Variants in KIF2A observed in about 807,000 individuals in gnomAD.
The protein encoded by KIF2A is kinesin family member 2A, also known as kinesin-like protein KIF2A.
A neutral mutation model predicts 100.2 loss-of-function variants in KIF2A; 22 were observed. The observed-to-expected ratio is 0.22, with a 90% CI of 0.16 to 0.31. The LOEUF (loss-of-function observed/expected upper bound fraction) is 0.31. Among genes scored for constraint, KIF2A ranks in the 10% least tolerant of loss-of-function variants. KIF2A has a pLI of 1.00. For synonymous variants in KIF2A, 268 were observed against 285.9 expected, an observed-to-expected ratio of 0.94 and a Z score of 0.63; for missense variants, 495 against 898.7, an observed-to-expected ratio of 0.55 and a Z score of 5.74.
At chr5:62,341,549 G>C (rs536419604) in intron 1 of KIF2A, among the ~76,000 whole-genome samples, 1 of 152,034 alleles carries the variant, frequency 6.6e-6, no homozygotes, top group African/African-American at 2.4e-5. Flanking sequence ...CCATCCTCCT[G>C]CTTCTGCCTC....
intron 20 of KIF2A, among the ~76,000 whole-genome samples, chr5:62,383,555 T>C (rs1580109010): frequency 6.6e-6 from 1 of 152,142 alleles, no homozygotes; most frequent in South Asian, 2.1e-4. Context: ...CACAGCCAGA[T>C]TTTTGGATGA....
chr5:62,315,478 T>C (rs1340623424), intron 1 of KIF2A, among the ~76,000 whole-genome samples: 1 of 152,206 alleles, frequency 6.6e-6, no homozygotes, highest in Non-Finnish European at 1.5e-5. Context: ...ACAAGACTTC[T>C]TGGAGAGTGA....
chr5:62,381,370 A>G lies in KIF2A; in HGVS notation c.2149+117A>G, dbSNP rs1368883966. 5 of 772,512 alleles carry G rather than the reference A, an allele frequency of 6.5e-6. No homozygotes were observed. The East Asian group carries it at 1.3e-4, about 20-fold the overall frequency. The allele number at this position is 772,512 out of a possible 1,614,324, so 47.9% of individuals were successfully genotyped here. On this transcript the variant is annotated intron_variant, in intron 20 of 20. Coordinates refer to ENST00000407818, the MANE Select transcript of KIF2A (RefSeq NM_001098511.3). ...GAAGTGAAAATTAGGGGCACTGTTT[A>G]GCATCTATTTTCCAGAGGTATAAAG...
At position 62,390,907 on chromosome 5, in the gene KIF2A, C is replaced by T; in HGVS notation, c.*5338C>T. On this transcript the variant is annotated 3_prime_UTR_variant, in exon 21 of 21. Transcript: ENST00000407818. ...AAGTCATCTATGTCCATGGAACGGG[C>T]CCGTTTGTCACTAAAACCTGTGCTG... 3 of 1,612,046 alleles carry T rather than the reference C, an allele frequency of 1.9e-6. No homozygotes were observed. Among genetic ancestry groups the T allele is most frequent in the Non-Finnish European group, 2.5e-6 (3 of 1,179,844 alleles).
At chr5:62,380,619 T>G (rs1485436943) in intron 19 of KIF2A, among the ~76,000 whole-genome samples, 1 of 152,180 alleles carries the variant, frequency 6.6e-6, no homozygotes, top group East Asian at 1.9e-4. Flanking sequence ...TAAAAGTCTA[T>G]GAGTACATAT....
chr5:62,366,875 C>T (rs1397494564), intron 16 of KIF2A, among the ~76,000 whole-genome samples: 1 of 151,458 alleles, frequency 6.6e-6, no homozygotes. Context: ...AATCTTACTA[C>T]ATTGTTCTTT....
intron 19 of KIF2A, among the ~76,000 whole-genome samples, chr5:62,379,709 A>G (rs980591215): frequency 2.6e-5 from 4 of 152,036 alleles, no homozygotes; most frequent in Non-Finnish European, 5.9e-5. Context: ...TCTAATTAAT[A>G]TGTTTCCTAA....
chr5:62,388,900 A>C lies in KIF2A; in HGVS notation c.*3331A>C. Reference sequence around the variant, plus strand: ...CAACAGTAGTAGTATTGAACCAAAAATAGTCAAGTAAATAATGTCTCAGTA... The same window carrying C: ...CAACAGTAGTAGTATTGAACCAAAACTAGTCAAGTAAATAATGTCTCAGTA... On this transcript the variant is annotated 3_prime_UTR_variant, in exon 21 of 21. Coordinates refer to ENST00000407818, the MANE Select transcript of KIF2A (RefSeq NM_001098511.3). 9.6e-7 allele frequency: 1 copy of C among 1,041,532 alleles called. No individual in the cohort carries two copies. The highest frequency in any genetic ancestry group is 1.4e-6 in the Non-Finnish European group (1 of 699,480). The allele number at this position is 1,041,532 out of a possible 1,614,324, so 64.5% of individuals were successfully genotyped here.
At chr5:62,319,913 A>G (rs540213574) in intron 1 of KIF2A, among the ~76,000 whole-genome samples, 6 of 152,266 alleles carry the variant, frequency 3.9e-5, no homozygotes, top group Admixed American at 6.5e-5. Flanking sequence ...GTATATATCT[A>G]TTAGTCTCCA....
At chr5:62,315,175 A>T (rs1206911017) in intron 1 of KIF2A, among the ~76,000 whole-genome samples, 1 of 151,260 alleles carries the variant, frequency 6.6e-6, no homozygotes, top group Non-Finnish European at 1.5e-5. Context: ...TGGATTAAAG[A>T]ATGCTCAGCC....
intron 19 of KIF2A, among the ~76,000 whole-genome samples, chr5:62,380,892 TA>T (rs1741746979): frequency 6.6e-6 from 1 of 152,156 alleles, no homozygotes; most frequent in Admixed American, 6.6e-5. Context: ...CAGCGTAACT[TA>T]CATTGAAAAA....
intron 1 of KIF2A, among the ~76,000 whole-genome samples, chr5:62,313,479 A>T (rs1459818361): frequency 6.6e-6 from 1 of 151,954 alleles, no homozygotes; most frequent in Non-Finnish European, 1.5e-5. Context: ...CAGCCTCCTA[A>T]GTAGCTGGGA....
chr5:62,377,687 T>A lies in KIF2A; in HGVS notation c.1938T>A (p.Phe646Leu). 6.4e-7 allele frequency: 1 copy of A among 1,552,450 alleles called. No homozygotes were observed. Among genetic ancestry groups the A allele is most frequent in the Non-Finnish European group, 8.7e-7 (1 of 1,145,704 alleles). ...QNEEEVSPQL[F>L]TFHEAVSQMV... ...AAGAAGAAGTCTCTCCACAGTTGTT[T>A]ACTTTCCACGAAGCTGTTTCACAAA... Residue 646 changes from phenylalanine (F) to leucine (L), a missense_variant, in exon 19 of 21, where the codon TTT (phenylalanine) becomes TTA (leucine). Physicochemically the swap from Phe to Leu is conservative, Grantham distance 22 (BLOSUM62 0). This residue lies in a region of KIF2A where 9 missense variants were observed against 45.2 expected (regional missense o/e 0.20). Coordinates refer to ENST00000407818, the MANE Select transcript of KIF2A (RefSeq NM_001098511.3).
chr5:62,318,283 A>C (rs952252622), intron 1 of KIF2A, among the ~76,000 whole-genome samples: 5 of 152,082 alleles, frequency 3.3e-5, no homozygotes, highest in African/African-American at 1.2e-4. Flanking sequence ...GGGTTTCACT[A>C]TGTTGAGCAG....
chr5:62,363,644 C>A, intron 13 of KIF2A, 51 bp from the exon 14 acceptor site: 1 of 1,464,744 alleles, frequency 6.8e-7, no homozygotes, highest in Non-Finnish European at 9.5e-7. Context: ...GTGGTTTGAA[C>A]ATGTAAATTG....
At chr5:62,346,778 C>T (rs1320945951) in intron 1 of KIF2A, among the ~76,000 whole-genome samples, 1 of 152,098 alleles carries the variant, frequency 6.6e-6, no homozygotes, top group Non-Finnish European at 1.5e-5. Context: ...GTTCTTTGTT[C>T]TACAGAATCA....
At chr5:62,364,965 C>T (rs567943909) in intron 14 of KIF2A, among the ~76,000 whole-genome samples, 14 of 152,212 alleles carry the variant, frequency 9.2e-5, no homozygotes, top group South Asian at 2.1e-4. Context: ...TGGTAGCAGG[C>T]GCCTGTTATC....
intron 4 of KIF2A, among the ~76,000 whole-genome samples, chr5:62,351,816 A>G (rs1747868200): frequency 6.6e-6 from 1 of 152,100 alleles, no homozygotes; most frequent in Non-Finnish European, 1.5e-5. Flanking sequence ...TACTCTCTGT[A>G]TATATTTGAT....
chr5:62,313,570 G>A (rs774424129), intron 1 of KIF2A, among the ~76,000 whole-genome samples: 1 of 152,074 alleles, frequency 6.6e-6, no homozygotes, highest in Non-Finnish European at 1.5e-5. Flanking sequence ...GGCCAGGCTG[G>A]TCTTGAACTC....
Sources: gnomAD v4.1 joint callset for allele counts (sites outside exome capture counted in the v4.1 genomes callset) on GRCh38, gnomAD v4.1.1 for gene constraint, gnomAD v4.1.1 regional missense constraint, MANE v1.5 for transcripts, NCBI Gene and HGNC (gene_info 2026-07-23, HGNC 2026-07-21) for gene names.